The following ATG10 variants were observed in gnomAD, a reference collection of about 807,000 sequenced individuals.
The protein encoded by ATG10 is ubiquitin-like-conjugating enzyme ATG10.
ATG10 carries 30 observed loss-of-function variants against 32.1 expected under a neutral mutation model. The observed-to-expected ratio is 0.94, with a 90% CI of 0.70 to 1.27. The LOEUF (loss-of-function observed/expected upper bound fraction) is 1.27, where lower values mean the gene tolerates loss of function less well. ATG10 is among the 50% of genes most tolerant of loss of function. The pLI is 0.00. For synonymous variants in ATG10, 87 were observed against 91.5 expected (o/e 0.95, Z 0.28); for missense variants, 233 against 262.3 (o/e 0.89, Z 0.77).
intron 5 of ATG10, among the ~76,000 whole-genome samples, chr5:82,239,310 G>T (rs917744952): frequency 1.3e-5 from 2 of 152,136 alleles, no homozygotes; most frequent in African/African-American, 2.4e-5. Flanking sequence ...GGCTGTCTTT[G>T]TCTATGCGAT....
chr5:82,227,847 A>G (rs1029969762), intron 5 of ATG10, among the ~76,000 whole-genome samples: 1 of 152,182 alleles, frequency 6.6e-6, no homozygotes, highest in Non-Finnish European at 1.5e-5. Context: ...GGGGATTATA[A>G]TAATAGGTTA....
chr5:82,200,185 T>A (rs911542707), intron 5 of ATG10, among the ~76,000 whole-genome samples: 3 of 152,194 alleles, frequency 2.0e-5, no homozygotes, highest in Non-Finnish European at 4.4e-5. Context: ...ATGATAATTT[T>A]TTTTTAATGC....
chr5:82,001,736 T>A (rs1180286611), intron 2 of ATG10, among the ~76,000 whole-genome samples: 1 of 152,174 alleles, frequency 6.6e-6, no homozygotes, highest in Non-Finnish European at 1.5e-5. Context: ...GGGCAAAGAT[T>A]TTATGATGAA....
At chr5:82,201,492 C>G (rs931193564) in intron 5 of ATG10, among the ~76,000 whole-genome samples, 5 of 152,242 alleles carry the variant, frequency 3.3e-5, no homozygotes, top group Middle Eastern at 3.4e-3. Context: ...ACTCTCTGTT[C>G]TGTTTCATTG....
chr5:82,213,523 G>T (rs1301362380), intron 5 of ATG10, among the ~76,000 whole-genome samples: 2 of 152,206 alleles, frequency 1.3e-5, no homozygotes, highest in Non-Finnish European at 2.9e-5. Context: ...AAGCAAATTG[G>T]AAAGCTTGTG....
chr5:81,982,778 C>T (rs1242282266), intron 1 of ATG10, among the ~76,000 whole-genome samples: 1 of 152,184 alleles, frequency 6.6e-6, no homozygotes, highest in East Asian at 1.9e-4. Context: ...AATGAGCATG[C>T]TGCCCTCAAG....
intron 3 of ATG10, among the ~76,000 whole-genome samples, chr5:82,095,900 C>T (rs1765041421): frequency 6.6e-6 from 1 of 152,150 alleles, no homozygotes; most frequent in African/African-American, 2.4e-5. Flanking sequence ...GGAAAATTAA[C>T]AGGCATTAAT....
At chr5:82,233,089 T>C (rs185171919) in intron 5 of ATG10, among the ~76,000 whole-genome samples, 1 of 152,370 alleles carries the variant, frequency 6.6e-6, no homozygotes, top group Non-Finnish European at 1.5e-5. Flanking sequence ...TTAGGGCTGA[T>C]GTCTTTACAT....
intron 3 of ATG10, among the ~76,000 whole-genome samples, chr5:82,133,616 G>C (rs1273449952): frequency 6.6e-6 from 1 of 152,070 alleles, no homozygotes; most frequent in Non-Finnish European, 1.5e-5. Context: ...TACTGTTGTA[G>C]TTACCGTAGC....
At chr5:82,200,359 T>C (rs796435591) in intron 5 of ATG10, among the ~76,000 whole-genome samples, 6 of 152,240 alleles carry the variant, frequency 3.9e-5, no homozygotes, top group African/African-American at 1.4e-4. Context: ...GTTTTTGTTT[T>C]GCACTTATTT....
intron 4 of ATG10, among the ~76,000 whole-genome samples, chr5:82,175,500 GC>G (rs1448534656): frequency 2.0e-5 from 3 of 152,172 alleles, no homozygotes; most frequent in African/African-American, 7.2e-5. Flanking sequence ...GGTGATGATT[GC>G]ACAACTCTAC....
intron 2 of ATG10, among the ~76,000 whole-genome samples, chr5:82,048,854 T>C (rs1185022722): frequency 2.0e-5 from 3 of 152,126 alleles, no homozygotes; most frequent in Non-Finnish European, 4.4e-5. Flanking sequence ...TGAGATACCA[T>C]CTCACACCAG....
intron 2 of ATG10, among the ~76,000 whole-genome samples, chr5:82,000,062 C>T (rs910386036): frequency 6.6e-6 from 1 of 152,070 alleles, no homozygotes; most frequent in Admixed American, 6.6e-5. Flanking sequence ...ATGTAAAAAT[C>T]CTCAACAAAA....
chr5:82,076,941 CT>C (rs1764293872), intron 3 of ATG10, among the ~76,000 whole-genome samples: 1 of 152,098 alleles, frequency 6.6e-6, no homozygotes, highest in Admixed American at 6.6e-5. Flanking sequence ...TTGGTTTAGG[CT>C]TTTGGTAGCC....
intron 5 of ATG10, among the ~76,000 whole-genome samples, chr5:82,211,397 A>G (rs1229166823): frequency 6.6e-6 from 1 of 152,068 alleles, no homozygotes; most frequent in Non-Finnish European, 1.5e-5. Context: ...CTAGCCCTAC[A>G]CGCCTGGGTA....
At chr5:82,119,570 C>T (rs1215619773) in intron 3 of ATG10, among the ~76,000 whole-genome samples, 1 of 152,108 alleles carries the variant, frequency 6.6e-6, no homozygotes, top group Non-Finnish European at 1.5e-5. Context: ...AAGTGATTCT[C>T]CTGCCTCAGC....
chr5:82,065,977 GT>G (rs1174099277), intron 3 of ATG10, among the ~76,000 whole-genome samples: 3 of 151,430 alleles, frequency 2.0e-5, no homozygotes, highest in Non-Finnish European at 2.9e-5. Flanking sequence ...TAAGGTGTAA[GT>G]TTTTTTTAAA....
chr5:82,222,318 G>A (rs1295882280), intron 5 of ATG10, among the ~76,000 whole-genome samples: 1 of 152,212 alleles, frequency 6.6e-6, no homozygotes, highest in African/African-American at 2.4e-5. Context: ...GAATACTGGA[G>A]CAAGGTACTG....
intron 5 of ATG10, among the ~76,000 whole-genome samples, chr5:82,190,935 C>T (rs554696830): frequency 6.6e-6 from 1 of 152,024 alleles, no homozygotes; most frequent in Admixed American, 6.6e-5. Context: ...ATAATTGATG[C>T]AATTGTCAAA....
Sources: allele counts gnomAD v4.1 joint callset (sites outside exome capture counted in the v4.1 genomes callset), GRCh38; gene constraint gnomAD v4.1.1; transcripts MANE v1.5; gene names NCBI Gene and HGNC (gene_info 2026-07-23, HGNC 2026-07-21).